COL4A3: variants seen among roughly 807,000 people sequenced by gnomAD.
The protein encoded by COL4A3 is collagen alpha-3(IV) chain.
In COL4A3, 135 loss-of-function variants were observed where a neutral mutation model predicts 217.4. The observed-to-expected ratio is 0.62, with a 90% CI of 0.54 to 0.72. The LOEUF (loss-of-function observed/expected upper bound fraction) is 0.72. Among genes scored for constraint, COL4A3 ranks in the 30% least tolerant of loss-of-function variants. COL4A3 has a pLI of 0.00. For missense variants in COL4A3, 1,868 were observed against 2,119.9 expected (o/e 0.88, Z 2.33); for synonymous variants, 690 against 736.3 (o/e 0.94, Z 1.02).
intron 1 of COL4A3, among the ~76,000 whole-genome samples, chr2:227,171,386 C>T (rs1460422371): frequency 6.6e-6 from 1 of 152,186 alleles, no homozygotes; most frequent in Non-Finnish European, 1.5e-5. Flanking sequence ...GTAGCTAACA[C>T]AGGAGTGGGC....
At chr2:227,303,951 T>C in intron 45 of COL4A3, 21 bp downstream of exon 45, 1 of 1,614,218 alleles carries the variant, frequency 6.2e-7, no homozygotes, top group Non-Finnish European at 8.5e-7. Context: ...GTCCTTACTA[T>C]TGCTGTCAAT....
chr2:227,266,647 T>C, intron 22 of COL4A3, 138 bp downstream of exon 22: 1 of 734,134 alleles, frequency 1.4e-6, no homozygotes, highest in Non-Finnish European at 2.4e-6. Flanking sequence ...GCTAAAAGTA[T>C]TCATTTATCT....
At chr2:227,257,740 A>G in intron 18 of COL4A3, 96 bp downstream of exon 18, 1 of 1,106,212 alleles carries the variant, frequency 9.0e-7, no homozygotes, top group Non-Finnish European at 1.4e-6. Flanking sequence ...TAACTGTGTG[A>G]GAGAGATTAT....
intron 43 of COL4A3, chr2:227,301,906 C>T (rs2073302493): frequency 6.6e-6 from 1 of 152,228 alleles, no homozygotes; most frequent in African/African-American, 2.4e-5. Flanking sequence ...CAGATGGTTC[C>T]TTCTTTGGTC....
chr2:227,294,659 T>C (rs1275461138), intron 39 of COL4A3, 89 bp downstream of exon 39: 5 of 984,026 alleles, frequency 5.1e-6, no homozygotes, highest in South Asian at 2.6e-5. Context: ...TACTACTCTA[T>C]AGAAGGTAGC....
chr2:227,264,637 A>G (rs2070781572), intron 21 of COL4A3: 1 of 152,490 alleles, frequency 6.6e-6, no homozygotes, highest in Non-Finnish European at 1.5e-5. Context: ...GTCCTCACAA[A>G]CATATAGATC....
rs141554668 is a variant in COL4A3, at chr2:227,247,514, C to A, written c.442-44C>A. 9 of 1,600,396 alleles carry A rather than the reference C, an allele frequency of 5.6e-6. No homozygotes were observed. The South Asian group carries it at 8.8e-5, about 16-fold the overall frequency. ...AGAGCAGACCGAGTAGGAGTGTGTG[C>A]GTTTGATATTCCTCTAGTTGTTCAT... On this transcript the variant is annotated intron_variant, in intron 7 of 51. Transcript: ENST00000396578.
intron 51 of COL4A3, among the ~76,000 whole-genome samples, 197 bp from the exon 52 acceptor site, chr2:227,311,589 G>A (rs1457275600): frequency 2.0e-5 from 3 of 151,840 alleles, no homozygotes; most frequent in Non-Finnish European, 1.5e-5. Context: ...CATGTTGGCC[G>A]CTGGTCTGAA....
Position 227,298,690 on chromosome 2 carries a change from G to C in COL4A3, c.3760G>C (p.Gly1254Arg), listed in dbSNP as rs1273438729. ...PGSRGSPGAPGPPGPPGSHVI... is the reference protein window; with the variant it reads ...PGSRGSPGAPRPPGPPGSHVI... ...ACTTTTCATGAATTCAGGTGCGCCT[G>C]GTCCCCCTGGACCTCCAGGGAGTCA... Residue 1254 changes from glycine to arginine, a missense_variant, in exon 43 of 52, where the codon GGT (glycine) becomes CGT (arginine). Physicochemically the swap from Gly to Arg is moderately radical, Grantham distance 125. Around this residue, in one of 2 missense-constraint regions of COL4A3, gnomAD observed 1,503 missense variants for 1,786.1 expected, o/e 0.84. Coordinates refer to ENST00000396578, the MANE Select transcript of COL4A3 (RefSeq NM_000091.5). 18 of 1,613,922 alleles carry C rather than the reference G, an allele frequency of 1.1e-5. No homozygotes were observed. The highest frequency in any genetic ancestry group is 1.5e-5 in the Non-Finnish European group (18 of 1,179,922).
chr2:227,191,738 A>G lies in COL4A3; in HGVS notation c.87+26925A>G, dbSNP rs1486915434. Among the ~76,000 whole-genome samples, 6 of 152,364 alleles carry G rather than the reference A, an allele frequency of 3.9e-5. No homozygotes were observed. Among genetic ancestry groups the G allele is most frequent in the African/African-American group, 1.4e-4 (6 of 41,590 alleles). ...CTGGGCATATCTCAGGTTACCTTAA[A>G]TGAAAATCATTTTCTTATTTTTGTA... On this transcript the variant is annotated intron_variant, in intron 1 of 51. Coordinates refer to ENST00000396578, the MANE Select transcript of COL4A3 (RefSeq NM_000091.5). This position sits in a 1 kb window ranked among gnomAD's most constrained non-coding sequence, Gnocchi z 6.8.
At chr2:227,256,584 G>A in intron 17 of COL4A3, 188 bp downstream of exon 17, 1 of 756,694 alleles carries the variant, frequency 1.3e-6, no homozygotes, top group Non-Finnish European at 2.4e-6. Context: ...GTGTTCTTGA[G>A]GAAAAGGTAT....
chr2:227,215,011 C>A (rs1407448282), intron 1 of COL4A3, among the ~76,000 whole-genome samples: 1 of 152,158 alleles, frequency 6.6e-6, no homozygotes, highest in African/African-American at 2.4e-5. Context: ...ATACTGGATA[C>A]TTTTTGGTTT....
chr2:227,246,152 G>A (rs937872736), intron 6 of COL4A3, 136 bp downstream of exon 6: 10 of 735,156 alleles, frequency 1.4e-5, no homozygotes, highest in East Asian at 1.1e-4. Context: ...ATAATTTGGA[G>A]GCAGGAAACT....
chr2:227,216,176 T>C (rs916209113), intron 1 of COL4A3, among the ~76,000 whole-genome samples: 7 of 152,188 alleles, frequency 4.6e-5, no homozygotes, highest in Non-Finnish European at 8.8e-5. Flanking sequence ...TGAATGTACT[T>C]AACACCAATG....
intron 1 of COL4A3, among the ~76,000 whole-genome samples, chr2:227,166,258 A>G (rs994892157): frequency 6.6e-6 from 1 of 152,246 alleles, no homozygotes; most frequent in Non-Finnish European, 1.5e-5. Flanking sequence ...CTTTGCATAC[A>G]TTAGGAATTC....
chr2:227,312,036 T>G lies in COL4A3; in HGVS notation c.*166T>G. On this transcript the variant is annotated 3_prime_UTR_variant, in exon 52 of 52. Transcript: ENST00000396578. Reference sequence around the variant, plus strand: ...CACAAAACAAAGCAATTCTTTCAAGTCAGTTCTGTGATCTGGGTCTCTAAT... The same window carrying G: ...CACAAAACAAAGCAATTCTTTCAAGGCAGTTCTGTGATCTGGGTCTCTAAT... 1 of 1,295,750 alleles carries G rather than the reference T, an allele frequency of 7.7e-7. No homozygotes were observed. Among genetic ancestry groups the G allele is most frequent in the Non-Finnish European group, 1.1e-6 (1 of 934,758 alleles). 80.3% of individuals were successfully genotyped at this position (1,295,750 alleles called of 1,614,324 possible). A position where few individuals can be genotyped will look rare whatever the true frequency, so the allele number is the denominator to read the frequency against.
chr2:227,282,227 G>A lies in COL4A3; in HGVS notation c.2489-138G>A, dbSNP rs1039514856. 10 of 324,656 alleles carry A rather than the reference G, an allele frequency of 3.1e-5. No individual in the cohort carries two copies. The highest frequency in any genetic ancestry group is 5.0e-5 in the Non-Finnish European group (10 of 199,644). The allele number at this position is 324,656 out of a possible 1,614,324, so 20.1% of individuals were successfully genotyped here. On this transcript the variant is annotated intron_variant, in intron 31 of 51. Transcript: ENST00000396578. This position sits in a 1 kb window ranked among gnomAD's most constrained non-coding sequence, Gnocchi z 4.4. ...GCGGAGGGTACAGTGAGCCGAAATCGCCCCACTGCAATCCAGCCTAGAAGA... is the reference window on the plus strand; with the variant it reads ...GCGGAGGGTACAGTGAGCCGAAATCACCCCACTGCAATCCAGCCTAGAAGA...
intron 1 of COL4A3, among the ~76,000 whole-genome samples, chr2:227,182,020 A>C (rs2065881071): frequency 6.6e-6 from 1 of 152,212 alleles, no homozygotes; most frequent in Non-Finnish European, 1.5e-5. Context: ...AATCTAAAAT[A>C]TGATTTCCCA....
chr2:227,287,932 C>T (rs1322602220), intron 34 of COL4A3, among the ~76,000 whole-genome samples: 1 of 152,188 alleles, frequency 6.6e-6, no homozygotes, highest in Non-Finnish European at 1.5e-5. Context: ...TAATTAGATG[C>T]TCCATCCATA....
Sources: gnomAD v4.1 joint callset for allele counts (sites outside exome capture counted in the v4.1 genomes callset) on GRCh38, gnomAD v4.1.1 for gene constraint, gnomAD v4.1.1 regional missense constraint, Gnocchi (gnomAD v3.1) non-coding constraint, MANE v1.5 for transcripts, NCBI Gene and HGNC (gene_info 2026-07-23, HGNC 2026-07-21) for gene names.